Variants in XYLT1 observed in about 807,000 individuals in gnomAD.
XYLT1 encodes xylosyltransferase 1.
A neutral mutation model predicts 91.3 loss-of-function variants in XYLT1; 36 were observed. The observed-to-expected ratio is 0.39, with a 90% confidence interval of 0.30 to 0.52. XYLT1 has a LOEUF of 0.52. XYLT1 is among the 20% of genes least tolerant of loss of function. The probability of loss-of-function intolerance (pLI) is 0.68; values close to 1 mark genes in which losing one functional copy is unlikely to be tolerated. For synonymous variants in XYLT1, 588 were observed against 532.0 expected (o/e 1.11, Z -1.45); for missense variants, 1,242 against 1,284.5 (o/e 0.97, Z 0.51).
rs1054376101 is a variant in XYLT1, at chr16:17,379,116, T to C, written c.364-21066A>G. On this transcript the variant is annotated intron_variant, in intron 1 of 11. Coordinates refer to ENST00000261381, the MANE Select transcript of XYLT1 (RefSeq NM_022166.4). The stretch of plus-strand genomic sequence containing the variant: ...AAAAAGTGCATATTTCTTCCAGAAT[T>C]GTCAGAGGCCAGCAGATCTTCCTGC... Among the ~76,000 whole-genome samples, 9 of 152,198 alleles carry C rather than the reference T, an allele frequency of 5.9e-5. 1 individual carries two copies. The highest frequency in any genetic ancestry group is 1.3e-4 in the Non-Finnish European group (9 of 68,036).
chr16:17,399,924 T>G (rs1163447721), intron 1 of XYLT1, among the ~76,000 whole-genome samples: 1 of 152,206 alleles, frequency 6.6e-6, no homozygotes, highest in African/African-American at 2.4e-5. Context: ...CTGCCAGAGA[T>G]AAAGCAAATA....
At chr16:17,419,685 G>A (rs1449729666) in intron 1 of XYLT1, among the ~76,000 whole-genome samples, 1 of 151,802 alleles carries the variant, frequency 6.6e-6, no homozygotes, top group African/African-American at 2.4e-5. Context: ...ATGCTGAAAT[G>A]GGTTCAGATT....
In XYLT1 at chr16:17,154,868, C is replaced by T. The variant is rs984490116; in HGVS notation, c.1370+3961G>A. On this transcript the variant is annotated intron_variant, in intron 6 of 11. Transcript: ENST00000261381. ...TTAGGAGCTACGTGGAATTAAAAAC[C>T]GAGGCACCCCGTGGCCTATTCTGTA... 5.9e-4 allele frequency among the ~76,000 whole-genome samples: 90 copies of T among 152,120 alleles called. 1 individual carries two copies. The highest frequency in any genetic ancestry group is 2.1e-4 in the South Asian group (1 of 4,818).
chr16:17,255,293 C>T (rs981384429), intron 3 of XYLT1, among the ~76,000 whole-genome samples: 2 of 152,280 alleles, frequency 1.3e-5, no homozygotes, highest in South Asian at 2.1e-4. Context: ...ACCACCACAC[C>T]CAGCCAGCCT....
intron 1 of XYLT1, among the ~76,000 whole-genome samples, chr16:17,443,294 A>G (rs768507836): frequency 3.3e-5 from 5 of 152,148 alleles, no homozygotes; most frequent in Non-Finnish European, 7.3e-5. Context: ...ATAGTATCTG[A>G]TATGGTTTGG....
chr16:17,153,987 C>T (rs914663316), intron 6 of XYLT1, among the ~76,000 whole-genome samples: 30 of 152,276 alleles, frequency 2.0e-4, no homozygotes, highest in African/African-American at 6.0e-4. Context: ...TCAGCTCTGT[C>T]GTTCACTAGC....
intron 2 of XYLT1, among the ~76,000 whole-genome samples, chr16:17,321,271 C>G (rs1044534159): frequency 6.6e-6 from 1 of 151,516 alleles, no homozygotes; most frequent in African/African-American, 2.4e-5. Flanking sequence ...CTGCACACTG[C>G]CCTCCCCAAC....
At chr16:17,441,864 G>A (rs954988653) in intron 1 of XYLT1, among the ~76,000 whole-genome samples, 1 of 152,114 alleles carries the variant, frequency 6.6e-6, no homozygotes, top group African/African-American at 2.4e-5. Context: ...GAGCTTAAAC[G>A]TCAAAGCGTT....
At chr16:17,304,555 T>C (rs1345567493) in intron 2 of XYLT1, among the ~76,000 whole-genome samples, 1 of 152,198 alleles carries the variant, frequency 6.6e-6, no homozygotes, top group Non-Finnish European at 1.5e-5. Context: ...CAAGCTCAGC[T>C]CCTTTGAAAT....
At chr16:17,436,848 T>C (rs919834454) in intron 1 of XYLT1, among the ~76,000 whole-genome samples, 1 of 152,218 alleles carries the variant, frequency 6.6e-6, no homozygotes, top group African/African-American at 2.4e-5. Context: ...CTTCTGGAAC[T>C]GTTTGGCTTA....
At chr16:17,240,348 T>G (rs975294731) in intron 3 of XYLT1, among the ~76,000 whole-genome samples, 1 of 152,056 alleles carries the variant, frequency 6.6e-6, no homozygotes. Flanking sequence ...TGACTTGCAA[T>G]GGGGAAAGTC....
At chr16:17,440,255 G>T (rs1386872318) in intron 1 of XYLT1, among the ~76,000 whole-genome samples, 1 of 152,246 alleles carries the variant, frequency 6.6e-6, no homozygotes, top group Admixed American at 6.5e-5. Context: ...CAACATGAAT[G>T]CAGAATGAAC....
At chr16:17,213,626 CTTTTTT>C (rs905505459) in intron 3 of XYLT1, among the ~76,000 whole-genome samples, 1 of 148,912 alleles carries the variant, frequency 6.7e-6, no homozygotes, top group Non-Finnish European at 1.5e-5. Flanking sequence ...CTTTTCTTTT[CTTTTTT>C]TTTTGAGACT....
intron 1 of XYLT1, among the ~76,000 whole-genome samples, chr16:17,467,110 C>G (rs2036908210): frequency 6.6e-6 from 1 of 152,084 alleles, no homozygotes; most frequent in South Asian, 2.1e-4. Flanking sequence ...ATTTCAAAGG[C>G]GTCGGATAAT....
At chr16:17,192,738 G>T (rs568909441) in intron 5 of XYLT1, 1 of 151,310 alleles carries the variant, frequency 6.6e-6, no homozygotes, top group South Asian at 2.1e-4. Context: ...TATTCTTCAT[G>T]TCCACAAGTG....
At chr16:17,467,175 G>C (rs1214528334) in intron 1 of XYLT1, among the ~76,000 whole-genome samples, 1 of 152,134 alleles carries the variant, frequency 6.6e-6, no homozygotes, top group Admixed American at 6.5e-5. Context: ...CGGGGGGTGG[G>C]AAGGGTAATA....
intron 6 of XYLT1, among the ~76,000 whole-genome samples, chr16:17,150,830 A>T (rs1197556840): frequency 6.6e-6 from 1 of 152,184 alleles, no homozygotes; most frequent in Non-Finnish European, 1.5e-5. Flanking sequence ...TAATTAGTGG[A>T]GATCATTGGG....
intron 1 of XYLT1, among the ~76,000 whole-genome samples, chr16:17,433,482 T>C (rs1052044698): frequency 2.0e-5 from 3 of 152,180 alleles, no homozygotes; most frequent in Non-Finnish European, 4.4e-5. Flanking sequence ...TGATCCACAG[T>C]GTCTGCAGTG....
At chr16:17,460,170 A>G (rs897988358) in intron 1 of XYLT1, among the ~76,000 whole-genome samples, 5 of 152,138 alleles carry the variant, frequency 3.3e-5, no homozygotes, top group African/African-American at 1.2e-4. Flanking sequence ...GTGCTCAGGA[A>G]TGTTCTACTT....
Sources: allele counts gnomAD v4.1 joint callset (sites outside exome capture counted in the v4.1 genomes callset), GRCh38; gene constraint gnomAD v4.1.1; transcripts MANE v1.5; gene names NCBI Gene and HGNC (gene_info 2026-07-23, HGNC 2026-07-21).